Variants in NAV3 observed in about 807,000 individuals in gnomAD.
NAV3 encodes pore membrane and/or filament interacting like protein 1.
NAV3 carries 87 observed loss-of-function variants against 244.7 expected under a neutral mutation model. The observed-to-expected ratio is 0.36, with a 90% CI of 0.30 to 0.42. NAV3 has a LOEUF of 0.42. Ranked by LOEUF, NAV3 falls within the 20% of genes least tolerant of loss-of-function variation. The pLI is 1.00. For synonymous variants in NAV3, 1,126 were observed against 1,042.2 expected, an observed-to-expected ratio of 1.08 and a Z score of -1.55; for missense variants, 2,663 against 2,893.3, an observed-to-expected ratio of 0.92 and a Z score of 1.83.
intron 12 of NAV3, among the ~76,000 whole-genome samples, chr12:78,070,443 A>G (rs910179281): frequency 4.6e-5 from 7 of 151,904 alleles, no homozygotes; most frequent in Admixed American, 2.0e-4. Context: ...TAATGACGTC[A>G]ATAATATTTT....
At chr12:77,960,980 A>G (rs1384162993) in intron 3 of NAV3, among the ~76,000 whole-genome samples, 2 of 146,672 alleles carry the variant, frequency 1.4e-5, no homozygotes, top group Non-Finnish European at 3.0e-5. Flanking sequence ...GTATATATGT[A>G]TATGTTACAT....
intron 1 of NAV3, among the ~76,000 whole-genome samples, chr12:77,905,926 G>A (rs766292686): frequency 2.6e-5 from 4 of 152,118 alleles, no homozygotes; most frequent in Non-Finnish European, 4.4e-5. Context: ...CATCACTTTC[G>A]TGAGTACCGT....
chr12:78,022,904 A>G (rs1478343774), intron 9 of NAV3, among the ~76,000 whole-genome samples: 1 of 152,190 alleles, frequency 6.6e-6, no homozygotes, highest in East Asian at 1.9e-4. Context: ...CAGAGGTTTC[A>G]TATGGAGATT....
intron 2 of NAV3, among the ~76,000 whole-genome samples, chr12:77,585,951 A>G (rs893337540): frequency 6.6e-6 from 1 of 152,248 alleles, no homozygotes; most frequent in South Asian, 2.1e-4. Context: ...TCACGAGGTC[A>G]GGAGATCGAG....
At chr12:78,205,245 G>A in intron 39 of NAV3, 107 bp downstream of exon 39, 1 of 1,229,654 alleles carries the variant, frequency 8.1e-7, no homozygotes, top group African/African-American at 1.5e-5. Context: ...AGCAACATTT[G>A]GAACAGTTTT....
intron 26 of NAV3, 81 bp downstream of exon 26, chr12:78,176,540 A>G (rs947967729): frequency 7.7e-7 from 1 of 1,302,020 alleles, no homozygotes; most frequent in Non-Finnish European, 1.1e-6. Flanking sequence ...TTTTGGCAGT[A>G]GGCTTTTATA....
At chr12:77,730,777 T>C (rs1877087401) in intron 2 of NAV3, among the ~76,000 whole-genome samples, 1 of 151,432 alleles carries the variant, frequency 6.6e-6, no homozygotes, top group African/African-American at 2.4e-5. Flanking sequence ...TTTCTTTTTT[T>C]TTTTTTTAAA....
At chr12:77,925,536 AGGC>A (rs1565926503) in intron 1 of NAV3, among the ~76,000 whole-genome samples, 5 of 104,724 alleles carry the variant, frequency 4.8e-5, no homozygotes, top group East Asian at 3.3e-4. Flanking sequence ...TAGGATGAAA[AGGC>A]GGGGGGAGGT....
chr12:77,865,769 A>G (rs922240416), intron 1 of NAV3, among the ~76,000 whole-genome samples: 6 of 140,452 alleles, frequency 4.3e-5, no homozygotes, highest in African/African-American at 1.6e-4. Context: ...CACATATACT[A>G]CATATATATG....
At chr12:77,951,987 C>T (rs1026950088) in intron 3 of NAV3, among the ~76,000 whole-genome samples, 6 of 150,946 alleles carry the variant, frequency 4.0e-5, no homozygotes, top group Non-Finnish European at 8.8e-5. Flanking sequence ...TTAATGGGTG[C>T]AGCACACCAA....
intron 39 of NAV3, 66 bp from the exon 40 acceptor site, chr12:78,210,332 T>C: frequency 6.2e-7 from 1 of 1,604,750 alleles, no homozygotes; most frequent in Non-Finnish European, 8.5e-7. Context: ...CTCAGGGCCT[T>C]GTTTTTTATG....
At chr12:77,606,523 G>A (rs924224736) in intron 2 of NAV3, among the ~76,000 whole-genome samples, 3 of 152,038 alleles carry the variant, frequency 2.0e-5, no homozygotes, top group African/African-American at 7.2e-5. Flanking sequence ...AGTAACTTCA[G>A]GACAGAAATT....
chr12:78,077,354 A>G (rs760556387), intron 12 of NAV3, among the ~76,000 whole-genome samples: 43 of 152,230 alleles, frequency 2.8e-4, no homozygotes, highest in East Asian at 1.9e-4. Flanking sequence ...CAGACAATAA[A>G]TATTTTAGGC....
At chr12:77,925,567 G>A (rs1165070151) in intron 1 of NAV3, among the ~76,000 whole-genome samples, 1 of 152,030 alleles carries the variant, frequency 6.6e-6, no homozygotes, top group East Asian at 1.9e-4. Flanking sequence ...GGCTGTTAAT[G>A]CTATGACTTC....
At chr12:77,937,140 A>T (rs1889401812) in intron 1 of NAV3, among the ~76,000 whole-genome samples, 1 of 152,188 alleles carries the variant, frequency 6.6e-6, no homozygotes, top group Admixed American at 6.6e-5. Flanking sequence ...AGTGTACTAC[A>T]ATTATTTTTA....
At chr12:77,590,836 T>C (rs1001501517) in intron 2 of NAV3, among the ~76,000 whole-genome samples, 1 of 152,238 alleles carries the variant, frequency 6.6e-6, no homozygotes, top group Non-Finnish European at 1.5e-5. Flanking sequence ...GTGCAAAGAT[T>C]ACTCCTTTTT....
intron 22 of NAV3, among the ~76,000 whole-genome samples, chr12:78,154,010 A>G (rs1957176663): frequency 6.7e-6 from 1 of 148,316 alleles, no homozygotes; most frequent in African/African-American, 2.5e-5. Context: ...TAAAGTTTAT[A>G]TGGGTAAATA....
At chr12:77,993,138 T>C (rs1387099648) in intron 5 of NAV3, among the ~76,000 whole-genome samples, 2 of 152,180 alleles carry the variant, frequency 1.3e-5, no homozygotes, top group Non-Finnish European at 2.9e-5. Flanking sequence ...AGTTCTGTGC[T>C]AAGATTTATA....
intron 18 of NAV3, chr12:78,130,593 A>C (rs1310109084): frequency 1.2e-5 from 2 of 173,056 alleles, no homozygotes; most frequent in Non-Finnish European, 2.6e-5. Context: ...TTTGTAGATC[A>C]TAGAACTTTT....
Sources: allele counts gnomAD v4.1 joint callset (sites outside exome capture counted in the v4.1 genomes callset), GRCh38; gene constraint gnomAD v4.1.1; transcripts MANE v1.5; gene names NCBI Gene and HGNC (gene_info 2026-07-23, HGNC 2026-07-21).